MPRIP: variants seen among roughly 807,000 people sequenced by gnomAD.
MPRIP encodes the protein myosin phosphatase Rho interacting protein, also known as myosin phosphatase Rho-interacting protein.
A neutral mutation model predicts 234.9 loss-of-function variants in MPRIP; 59 were observed. The ratio of observed to expected loss-of-function variants is 0.25; its 90% confidence interval spans 0.20 to 0.31. MPRIP has a LOEUF of 0.31. Among genes scored for constraint, MPRIP ranks in the 10% least tolerant of loss-of-function variants. MPRIP has a pLI of 1.00. For synonymous variants in MPRIP, 1,144 were observed against 1,263.9 expected, an observed-to-expected ratio of 0.91 and a Z score of 2.01; for missense variants, 2,436 against 3,071.0, an observed-to-expected ratio of 0.79 and a Z score of 4.89.
At chr17:17,070,902 C>A (rs558133453) in intron 1 of MPRIP, among the ~76,000 whole-genome samples, 2 of 152,156 alleles carry the variant, frequency 1.3e-5, no homozygotes, top group Non-Finnish European at 2.9e-5. Context: ...ACAGTGCTTC[C>A]GTGGGGGAAG....
chr17:17,185,649 C>T lies in MPRIP; in HGVS notation c.*755C>T, dbSNP rs944355787. The T allele has an allele frequency of 7.1e-6, 3 of 424,658 alleles. No homozygotes were observed. The highest frequency in any genetic ancestry group is 4.1e-5 in the African/African-American group (2 of 48,438). 26.3% of individuals were successfully genotyped at this position (424,658 alleles called of 1,614,324 possible). Reference sequence around the variant, plus strand: ...TAACCCTGGTCTTTTCATAACTGCTCGAGATTGTTGACCTGCAGCCCAGGT... The same window carrying T: ...TAACCCTGGTCTTTTCATAACTGCTTGAGATTGTTGACCTGCAGCCCAGGT... On this transcript the variant is annotated 3_prime_UTR_variant, in exon 24 of 24. Coordinates refer to ENST00000651222, the MANE Select transcript of MPRIP (RefSeq NM_001364716.4).
chr17:17,079,616 A>G (rs1473497885), intron 3 of MPRIP, among the ~76,000 whole-genome samples: 1 of 152,222 alleles, frequency 6.6e-6, no homozygotes, highest in Non-Finnish European at 1.5e-5. Flanking sequence ...TAACAGTATC[A>G]GAGGAGCCTC....
At chr17:17,174,923 C>T (rs913396894) in intron 19 of MPRIP, among the ~76,000 whole-genome samples, 3 of 152,216 alleles carry the variant, frequency 2.0e-5, no homozygotes, top group South Asian at 4.1e-4. Context: ...CAAATTAAAA[C>T]AGCCCTCTAT....
At position 17,185,068 on chromosome 17, in the gene MPRIP, C is replaced by G; in HGVS notation, c.*174C>G. The G allele has an allele frequency of 2.0e-6, 1 of 508,782 alleles. No homozygotes were observed. Among genetic ancestry groups the G allele is most frequent in the Non-Finnish European group, 3.7e-6 (1 of 273,776 alleles). The allele number at this position is 508,782 out of a possible 1,614,324, so 31.5% of individuals were successfully genotyped here. On this transcript the variant is annotated 3_prime_UTR_variant, in exon 24 of 24. Transcript: ENST00000651222. ...TGGCTTCTGGGTTGTCCACACCACT[C>G]TCTGCTGTGTTGACTTCCTGTTGTC...
At chr17:17,171,947 C>A in intron 17 of MPRIP, 82 bp downstream of exon 17, 1 of 1,438,964 alleles carries the variant, frequency 6.9e-7, no homozygotes, top group Non-Finnish European at 9.4e-7. Context: ...GGAATGGCAG[C>A]CTTTAAATTG....
intron 3 of MPRIP, among the ~76,000 whole-genome samples, chr17:17,107,544 G>C (rs2144258935): frequency 6.6e-6 from 1 of 152,354 alleles, no homozygotes; most frequent in East Asian, 1.9e-4. Flanking sequence ...ATCTCACGCA[G>C]CAGCTTCCTC....
Position 17,176,408 on chromosome 17 carries a change from ATC to A in MPRIP, c.6871-12_6871-11del, listed in dbSNP as rs1491337547. 1 of 1,599,374 alleles carries A rather than the reference ATC, an allele frequency of 6.3e-7. No individual in the cohort carries two copies. Among genetic ancestry groups the A allele is most frequent in the African/African-American group, 1.3e-5 (1 of 74,596 alleles). On this transcript the variant is annotated splice_polypyrimidine_tract_variant and intron_variant, in intron 20 of 23. Coordinates refer to ENST00000651222, the MANE Select transcript of MPRIP (RefSeq NM_001364716.4). ...CTTTGCTCCTGAATATTGGTCCCTGATCTCTCTGTCATTTTAGGTCTTATTGC... is the reference window on the plus strand; with the variant it reads ...CTTTGCTCCTGAATATTGGTCCCTGATCTCTGTCATTTTAGGTCTTATTGC...
intron 1 of MPRIP, among the ~76,000 whole-genome samples, 193 bp downstream of exon 1, chr17:17,043,164 A>G (rs2088233327): frequency 6.6e-6 from 1 of 152,168 alleles, no homozygotes; most frequent in East Asian, 1.9e-4. Flanking sequence ...GCCGAAAAAT[A>G]ACATCCTTTC....
chr17:17,090,682 A>G (rs1055530533), intron 3 of MPRIP, among the ~76,000 whole-genome samples: 2 of 152,232 alleles, frequency 1.3e-5, no homozygotes, highest in East Asian at 1.9e-4. Context: ...CACACAAACC[A>G]CAGTGCTAGC....
rs1478237576 is a variant in MPRIP at position 17,186,744 on chromosome 17, C to T, written c.*1850C>T. 1 of 152,150 alleles carries T rather than the reference C, an allele frequency of 6.6e-6. No homozygotes were observed. Among genetic ancestry groups the T allele is most frequent in the Admixed American group, 6.5e-5 (1 of 15,272 alleles). The allele number at this position is 152,150 out of a possible 1,614,324, so 9.4% of individuals were successfully genotyped here. ...AGATATAGATATACTTATCAGACCC[C>T]CCCTGACCATTTAGATTGGCAGTGC... On this transcript the variant is annotated 3_prime_UTR_variant, in exon 24 of 24. Coordinates refer to ENST00000651222, the MANE Select transcript of MPRIP (RefSeq NM_001364716.4).
At chr17:17,060,578 T>A (rs1383145145) in intron 1 of MPRIP, among the ~76,000 whole-genome samples, 1 of 152,210 alleles carries the variant, frequency 6.6e-6, no homozygotes, top group Non-Finnish European at 1.5e-5. Context: ...AGAGCTCATA[T>A]GCCCTAAGCC....
intron 15 of MPRIP, among the ~76,000 whole-genome samples, chr17:17,163,610 AGT>A (rs2045918844): frequency 6.6e-6 from 1 of 152,088 alleles, no homozygotes. Context: ...ACATCTCCCG[AGT>A]GTTACCTTCC....
chr17:17,170,769 G>A (rs1393812281), intron 16 of MPRIP: 4 of 152,226 alleles, frequency 2.6e-5, no homozygotes, highest in African/African-American at 7.2e-5. Context: ...TAGACAGAAA[G>A]TGTGTGCCTC....
chr17:17,160,603 AT>A (rs1205944069), intron 14 of MPRIP, among the ~76,000 whole-genome samples: 17 of 152,360 alleles, frequency 1.1e-4, no homozygotes, highest in African/African-American at 3.8e-4. Flanking sequence ...AGAGTGTAAA[AT>A]AGCTTACTCA....
At position 17,165,694 on chromosome 17, in the gene MPRIP, G is replaced by A. The variant is rs2045972579; in HGVS notation, c.4103G>A (p.Ser1368Asn). 2 of 1,304,952 alleles carry A rather than the reference G, an allele frequency of 1.5e-6. No homozygotes were observed. The highest frequency in any genetic ancestry group is 2.0e-6 in the Non-Finnish European group (2 of 989,030). 80.8% of individuals were successfully genotyped at this position (1,304,952 alleles called of 1,614,324 possible). ...EESMSSEPAPSVLPATGDSDT... is the reference protein window; with the variant it reads ...EESMSSEPAPNVLPATGDSDT... Reference sequence around the variant, plus strand: ...AGCATGTCCTCAGAGCCTGCACCCAGTGTACTGCCTGCAACTGGCGACTCT... The same window carrying A: ...AGCATGTCCTCAGAGCCTGCACCCAATGTACTGCCTGCAACTGGCGACTCT... The change falls in exon 16 of 24, where the codon AGT becomes AAT. Residue 1368 changes from serine to asparagine, a missense_variant. Physicochemically the swap from Ser to Asn is conservative, Grantham distance 46. Transcript: ENST00000651222.
rs990778711 is a variant in MPRIP at position 17,185,615 on chromosome 17, G to C, written c.*721G>C. The stretch of plus-strand genomic sequence containing the variant: ...TCCTTCCTCCGCTCGTTCCTTTCTT[G>C]GTCTCCAGTAACCCTGGTCTTTTCA... On this transcript the variant is annotated 3_prime_UTR_variant, in exon 24 of 24. Transcript: ENST00000651222. 1.5e-5 allele frequency: 7 copies of C among 453,490 alleles called. No individual in the cohort carries two copies. The highest frequency in any genetic ancestry group is 2.7e-5 in the Non-Finnish European group (6 of 225,932). 28.1% of individuals were successfully genotyped at this position (453,490 alleles called of 1,614,324 possible). A position where few individuals can be genotyped will look rare whatever the true frequency, so the allele number is the denominator to read the frequency against.
At chr17:17,070,450 T>C (rs1451014565) in intron 1 of MPRIP, among the ~76,000 whole-genome samples, 1 of 152,192 alleles carries the variant, frequency 6.6e-6, no homozygotes, top group Non-Finnish European at 1.5e-5. Flanking sequence ...CATTTTTTCC[T>C]GTCTGTTTTT....
intron 3 of MPRIP, among the ~76,000 whole-genome samples, chr17:17,117,873 G>A (rs1213854670): frequency 1.3e-5 from 2 of 152,252 alleles, no homozygotes; most frequent in South Asian, 2.1e-4. Flanking sequence ...CTCACAATTT[G>A]CGACTTGCCC....
chr17:17,158,850 G>A lies in MPRIP; in HGVS notation c.2248G>A (p.Val750Ile), dbSNP rs148318504. 8.1e-6 allele frequency: 13 copies of A among 1,611,822 alleles called. No individual in the cohort carries two copies. The highest frequency in any genetic ancestry group is 1.1e-5 in the Non-Finnish European group (13 of 1,180,006). The change falls in exon 14 of 24, where the codon GTC (valine) becomes ATC (isoleucine). Residue 750 changes from valine (V) to isoleucine (I), a missense_variant. Around this residue, in one of 4 missense-constraint regions of MPRIP, gnomAD observed 1,998 missense variants for 2,520.3 expected, o/e 0.79. Coordinates refer to ENST00000651222, the MANE Select transcript of MPRIP (RefSeq NM_001364716.4). ...TATGAGCGACCTCAAAACGCATAAC[G>A]TCCACGTGGAGATTGAGCAGCGGTG... The part of the protein sequence containing the change: ...LPMSDLKTHN[V>I]HVEIEQRWHQ...
Sources: allele counts gnomAD v4.1 joint callset (sites outside exome capture counted in the v4.1 genomes callset), GRCh38; gene constraint gnomAD v4.1.1; regional missense constraint gnomAD v4.1.1; transcripts MANE v1.5; gene names NCBI Gene and HGNC (gene_info 2026-07-23, HGNC 2026-07-21).